ADGRL2: variants seen among roughly 807,000 people sequenced by gnomAD.
ADGRL2 encodes the protein calcium-independent alpha-latrotoxin receptor 2.
In ADGRL2, 44 loss-of-function variants were observed where a neutral mutation model predicts 157.4. That is an observed-to-expected ratio of 0.28 (90% confidence interval 0.22 to 0.36). ADGRL2 has a LOEUF of 0.36. ADGRL2 is among the 10% of genes least tolerant of loss of function. The pLI is 1.00. For synonymous variants in ADGRL2, 585 were observed against 624.7 expected (o/e 0.94, Z 0.95); for missense variants, 1,510 against 1,768.9 (o/e 0.85, Z 2.63).
intron 1 of ADGRL2, among the ~76,000 whole-genome samples, chr1:81,379,501 G>A (rs1190023806): frequency 6.6e-6 from 1 of 152,184 alleles, no homozygotes; most frequent in Non-Finnish European, 1.5e-5. Context: ...ATGGGCTTAA[G>A]GAATGAGTGC....
intron 1 of ADGRL2, among the ~76,000 whole-genome samples, chr1:81,423,007 T>C (rs1363260253): frequency 6.6e-6 from 1 of 152,214 alleles, no homozygotes; most frequent in Non-Finnish European, 1.5e-5. Flanking sequence ...CCATGTGTTT[T>C]ATCCACTGGA....
intron 3 of ADGRL2, among the ~76,000 whole-genome samples, chr1:81,915,988 A>C (rs1014738045): frequency 6.6e-6 from 1 of 152,062 alleles, no homozygotes; most frequent in Non-Finnish European, 1.5e-5. Context: ...GTAGTTTTTC[A>C]CTCACCTAGA....
Position 81,788,615 on chromosome 1 carries a change from C to T in ADGRL2, c.-101+26763C>T, listed in dbSNP as rs189569243. Among the ~76,000 whole-genome samples the T allele has an allele frequency of 1.2e-3, 183 of 152,252 alleles. 2 individuals are homozygous for T. Among genetic ancestry groups the T allele is most frequent in the African/African-American group, 4.3e-3 (177 of 41,542 alleles). On this transcript the variant is annotated intron_variant, in intron 2 of 20. Coordinates refer to the ADGRL2 transcript ENST00000359929. ...GCAAAACAGACTAACACAGAAGGCA[C>T]GTTTAGTTTAGAAGGTAAAGCCTCT... is the stretch of plus-strand genomic sequence containing the variant.
intron 3 of ADGRL2, among the ~76,000 whole-genome samples, chr1:81,691,892 A>ATATATATATATATATATATATATATG (rs2083345303): frequency 1.4e-5 from 2 of 147,966 alleles, no homozygotes; most frequent in African/African-American, 5.0e-5. Context: ...ATATATATAT[A>ATATATATATATATATATATATATATG]TATGTATGTG....
At chr1:81,698,638 AG>A (rs1173130841), upstream of ADGRL2, among the ~76,000 whole-genome samples, 1 of 152,300 alleles carries the variant, frequency 6.6e-6, no homozygotes, top group African/African-American at 2.4e-5. Context: ...TAAGGAATCA[AG>A]GGGTCTGAGA....
chr1:81,537,458 T>C (rs895847388), intron 2 of ADGRL2, among the ~76,000 whole-genome samples: 4 of 151,066 alleles, frequency 2.6e-5, no homozygotes, highest in African/African-American at 9.7e-5. Flanking sequence ...TAATTTTGTA[T>C]TTTTTTTAGT....
chr1:81,572,073 A>G (rs2080706222), intron 2 of ADGRL2, among the ~76,000 whole-genome samples: 1 of 152,248 alleles, frequency 6.6e-6, no homozygotes, highest in Non-Finnish European at 1.5e-5. Context: ...TATAGAATAG[A>G]ATGAACATTG....
intron 3 of ADGRL2, among the ~76,000 whole-genome samples, chr1:81,643,521 C>A (rs2082260106): frequency 6.6e-6 from 1 of 152,076 alleles, no homozygotes; most frequent in African/African-American, 2.4e-5. Flanking sequence ...GTTGCCCAGG[C>A]TGGTCTTAAG....
At chr1:81,405,446 T>C (rs1570873953) in intron 1 of ADGRL2, among the ~76,000 whole-genome samples, 1 of 152,090 alleles carries the variant, frequency 6.6e-6, no homozygotes, top group East Asian at 1.9e-4. Context: ...GGTGGGAGGA[T>C]TGCGTGAGCC....
intron 2 of ADGRL2, among the ~76,000 whole-genome samples, chr1:81,795,335 G>C (rs561371222): frequency 1.4e-4 from 21 of 152,068 alleles, no homozygotes; most frequent in Admixed American, 5.9e-4. Flanking sequence ...AGCCATGATT[G>C]TGCTACTACA....
chr1:81,866,259 G>A (rs2093540398), intron 2 of ADGRL2, among the ~76,000 whole-genome samples: 1 of 151,956 alleles, frequency 6.6e-6, no homozygotes, highest in Non-Finnish European at 1.5e-5. Flanking sequence ...GTCAACCCCA[G>A]AGAGGCTTTT....
At chr1:81,877,020 G>A (rs926361514) in intron 2 of ADGRL2, among the ~76,000 whole-genome samples, 4 of 152,008 alleles carry the variant, frequency 2.6e-5, no homozygotes, top group African/African-American at 7.2e-5. Flanking sequence ...CTGCCCAACC[G>A]CTCATTCTAC....
intron 1 of ADGRL2, among the ~76,000 whole-genome samples, chr1:81,422,079 TCAAA>T (rs1234398327): frequency 6.6e-6 from 1 of 152,118 alleles, no homozygotes; most frequent in Non-Finnish European, 1.5e-5. Context: ...ACATTAATCA[TCAAA>T]CAAATGAAAA....
At chr1:81,831,026 C>G (rs1236343023) in intron 1 of ADGRL2, among the ~76,000 whole-genome samples, 2 of 152,128 alleles carry the variant, frequency 1.3e-5, no homozygotes, top group African/African-American at 4.8e-5. Context: ...GGATCCAGTG[C>G]AGTGAGCCAA....
intron 3 of ADGRL2, among the ~76,000 whole-genome samples, chr1:81,641,554 A>G (rs2082219085): frequency 6.6e-6 from 1 of 152,208 alleles, no homozygotes; most frequent in Non-Finnish European, 1.5e-5. Context: ...AAACTTAGAG[A>G]CTGAACAAGC....
chr1:81,913,612 G>A (rs1002595839), intron 3 of ADGRL2, among the ~76,000 whole-genome samples: 2 of 152,160 alleles, frequency 1.3e-5, no homozygotes, highest in Admixed American at 6.6e-5. Context: ...GGAGGAGCTT[G>A]AGGCTCATCA....
At chr1:81,788,307 G>A (rs1282163916) in intron 2 of ADGRL2, among the ~76,000 whole-genome samples, 1 of 152,140 alleles carries the variant, frequency 6.6e-6, no homozygotes, top group Non-Finnish European at 1.5e-5. Context: ...TCATGGGGGA[G>A]GATCCCTCAT....
At chr1:81,311,246 C>CTGT (rs565568611) in intron 1 of ADGRL2, among the ~76,000 whole-genome samples, 1 of 152,122 alleles carries the variant, frequency 6.6e-6, no homozygotes, top group African/African-American at 2.4e-5. Context: ...CTGTTTGTTA[C>CTGT]TGTTGTTGTT....
intron 2 of ADGRL2, among the ~76,000 whole-genome samples, chr1:81,874,380 A>G (rs756682146): frequency 6.6e-6 from 1 of 152,324 alleles, no homozygotes; most frequent in African/African-American, 2.4e-5. Context: ...ATTTATCAAA[A>G]GTAACAGTCA....
Sources: gnomAD v4.1 joint callset for allele counts (sites outside exome capture counted in the v4.1 genomes callset) on GRCh38, gnomAD v4.1.1 for gene constraint, MANE v1.5 for transcripts, NCBI Gene and HGNC (gene_info 2026-07-23, HGNC 2026-07-21) for gene names.